Variants in CSMD2 observed in about 807,000 individuals in gnomAD.
The protein encoded by CSMD2 is CUB and Sushi multiple domains 2, also known as CUB and sushi domain-containing protein 2.
In CSMD2, 130 loss-of-function variants were observed where a neutral mutation model predicts 398.5. The ratio of observed to expected loss-of-function variants is 0.33; its 90% confidence interval spans 0.28 to 0.38. CSMD2 has a LOEUF of 0.38. CSMD2 is among the 10% of genes least tolerant of loss of function. The probability of loss-of-function intolerance (pLI) is 1.00; values close to 1 mark genes in which losing one functional copy is unlikely to be tolerated. For missense variants in CSMD2, 3,829 were observed against 4,764.9 expected (o/e 0.80, Z 5.78); for synonymous variants, 1,828 against 1,908.5 (o/e 0.96, Z 1.10).
In CSMD2 at chr1:33,923,466, G is replaced by A. The variant is rs139054541; in HGVS notation, c.713-5165C>T. ...AGCAGATGCCAATGCCATGCCTCCTGTACAGCCTGTGGAACCATGAGTCAA... is the reference window on the plus strand; with the variant it reads ...AGCAGATGCCAATGCCATGCCTCCTATACAGCCTGTGGAACCATGAGTCAA... On this transcript the variant is annotated intron_variant, in intron 4 of 70. Transcript: ENST00000373381. 1.2e-4 allele frequency among the ~76,000 whole-genome samples: 18 copies of A among 152,230 alleles called. No individual in the cohort carries two copies. The East Asian group carries it at 2.7e-3, about 23-fold the overall frequency.
At chr1:33,969,082 G>A (rs373191588) in intron 3 of CSMD2, among the ~76,000 whole-genome samples, 2 of 152,152 alleles carry the variant, frequency 1.3e-5, no homozygotes, top group Non-Finnish European at 1.5e-5. Flanking sequence ...TCATTGAAAC[G>A]GTGGGAGTCA....
chr1:33,639,653 GGCT>G (rs1436371604), intron 29 of CSMD2, among the ~76,000 whole-genome samples: 2 of 152,130 alleles, frequency 1.3e-5, no homozygotes, highest in Admixed American at 6.5e-5. Context: ...CTTAATAAAT[GGCT>G]GCTGAATTGT....
chr1:34,023,269 A>G (rs917120388), intron 3 of CSMD2, among the ~76,000 whole-genome samples: 2 of 152,208 alleles, frequency 1.3e-5, no homozygotes, highest in African/African-American at 4.8e-5. Flanking sequence ...TCCCAAGAGG[A>G]CGGTTCTGAA....
intron 1 of CSMD2, among the ~76,000 whole-genome samples, chr1:34,102,654 A>AT (rs1558390618): frequency 5.8e-4 from 34 of 59,122 alleles, no homozygotes; most frequent in East Asian, 2.3e-3. Context: ...CCTGTAATCC[A>AT]ACCATATCCC....
chr1:33,714,728 T>G lies in CSMD2; in HGVS notation c.3265A>C (p.Ile1089Leu). Reference sequence around the variant, plus strand: ...ACGCCAAACTGCAAGCCCTTCCGGATGCTGTAGGCTGGGACCTCGGGCTCC... The same window carrying G: ...ACGCCAAACTGCAAGCCCTTCCGGAGGCTGTAGGCTGGGACCTCGGGCTCC... Reference protein sequence around the residue: ...CEEPEVPAYSIRKGLQFGVGD... With the variant: ...CEEPEVPAYSLRKGLQFGVGD... The change falls in exon 21 of 71, where the codon ATC (isoleucine) becomes CTC (leucine). Residue 1089 changes from isoleucine to leucine, a missense_variant. By Grantham distance (5) the Ile-to-Leu change is conservative. Coordinates refer to ENST00000373381, the MANE Select transcript of CSMD2 (RefSeq NM_001281956.2). 1 of 1,614,080 alleles carries G rather than the reference T, an allele frequency of 6.2e-7. No individual in the cohort carries two copies. Among genetic ancestry groups the G allele is most frequent in the African/African-American group, 1.3e-5 (1 of 75,042 alleles).
chr1:33,681,660 G>T lies in CSMD2; in HGVS notation c.4052+11270C>A, dbSNP rs569269253. Among the ~76,000 whole-genome samples, 38 of 152,196 alleles carry T rather than the reference G, an allele frequency of 2.5e-4. 1 individual carries two copies. In the South Asian group the frequency reaches 7.0e-3, roughly 28 times the overall value. On this transcript the variant is annotated intron_variant, in intron 25 of 70. Transcript: ENST00000373381. ...TGCTGTAACATATTACAACAAACTTGGTGGCTTAAAACACTAGAAATTTGG... is the reference window on the plus strand; with the variant it reads ...TGCTGTAACATATTACAACAAACTTTGTGGCTTAAAACACTAGAAATTTGG...
At chr1:33,889,127 C>A (rs1267731273) in intron 5 of CSMD2, among the ~76,000 whole-genome samples, 2 of 152,026 alleles carry the variant, frequency 1.3e-5, no homozygotes, top group Non-Finnish European at 2.9e-5. Flanking sequence ...TGAGAGACAA[C>A]AAAGTAAGGC....
intron 6 of CSMD2, among the ~76,000 whole-genome samples, chr1:33,844,017 C>A (rs369720379): frequency 6.6e-6 from 1 of 152,172 alleles, no homozygotes. Context: ...TCCTTTGACT[C>A]CACCCTCACC....
intron 13 of CSMD2, among the ~76,000 whole-genome samples, chr1:33,770,261 A>C (rs1021951723): frequency 2.0e-5 from 3 of 152,246 alleles, no homozygotes; most frequent in African/African-American, 7.2e-5. Flanking sequence ...TCCAGAGAGA[A>C]GATGCTTGGC....
At position 34,009,454 on chromosome 1, in the gene CSMD2, G is replaced by C. The variant is rs1647173156; in HGVS notation, c.517+23140C>G. On this transcript the variant is annotated intron_variant, in intron 3 of 70. Coordinates refer to ENST00000373381, the MANE Select transcript of CSMD2 (RefSeq NM_001281956.2). The stretch of plus-strand genomic sequence containing the variant: ...ACACTGTGCCGCCCTGATCTTTCTG[G>C]GCCTTTACCCTGCTGACACCACTCC... Among the ~76,000 whole-genome samples, 3 of 151,662 alleles carry C rather than the reference G, an allele frequency of 2.0e-5. No individual in the cohort carries two copies. The South Asian group carries it at 6.3e-4, about 32-fold the overall frequency.
chr1:33,806,036 TA>T (rs1229433554), intron 10 of CSMD2, among the ~76,000 whole-genome samples: 2 of 152,036 alleles, frequency 1.3e-5, no homozygotes, highest in African/African-American at 4.8e-5. Flanking sequence ...TCGGTCAATA[TA>T]GCTTCACTTT....
chr1:33,691,724 C>T (rs903761962), intron 25 of CSMD2, among the ~76,000 whole-genome samples: 3 of 152,082 alleles, frequency 2.0e-5, no homozygotes, highest in Non-Finnish European at 2.9e-5. Context: ...CCTGGTGGAC[C>T]GACGCTGCTC....
intron 10 of CSMD2, among the ~76,000 whole-genome samples, chr1:33,792,804 C>T (rs1191225718): frequency 6.6e-6 from 1 of 152,208 alleles, no homozygotes; most frequent in Non-Finnish European, 1.5e-5. Flanking sequence ...ATCTGGCCAA[C>T]AGCGAGATGA....
At position 33,957,059 on chromosome 1, in the gene CSMD2, C is replaced by T. The variant is rs1261137474; in HGVS notation, c.518-21105G>A. The stretch of plus-strand genomic sequence containing the variant: ...TCTTGCATTCACCTATCACCTCCCC[C>T]GAGAGGCCTCCCCTCACCACACAAA... On this transcript the variant is annotated intron_variant, in intron 3 of 70. Coordinates refer to ENST00000373381, the MANE Select transcript of CSMD2 (RefSeq NM_001281956.2). 5.3e-5 allele frequency among the ~76,000 whole-genome samples: 8 copies of T among 151,994 alleles called. No individual in the cohort carries two copies. In the South Asian group the frequency reaches 8.3e-4, roughly 16 times the overall value.
intron 5 of CSMD2, among the ~76,000 whole-genome samples, chr1:33,857,203 G>T (rs75758342): frequency 0.03 from 4,602 of 152,062 alleles, 240 homozygotes; most frequent in African/African-American, 0.1. Context: ...TTCATTGAGT[G>T]GTTAAAAGGT....
chr1:33,545,533 G>C (rs1656795993), intron 57 of CSMD2, among the ~76,000 whole-genome samples: 1 of 152,166 alleles, frequency 6.6e-6, no homozygotes, highest in African/African-American at 2.4e-5. Context: ...GTCTTCACAT[G>C]GCACAAGGGA....
chr1:34,044,841 A>G (rs545632198), intron 2 of CSMD2, among the ~76,000 whole-genome samples: 1 of 152,342 alleles, frequency 6.6e-6, no homozygotes, highest in South Asian at 2.1e-4. Context: ...GACCTTGGGA[A>G]TAAAAGAGTA....
chr1:33,881,578 T>C (rs1373174706), intron 5 of CSMD2, among the ~76,000 whole-genome samples: 2 of 152,024 alleles, frequency 1.3e-5, no homozygotes, highest in African/African-American at 4.8e-5. Flanking sequence ...TGTGGGGAAC[T>C]GAAGATGATG....
chr1:34,108,233 T>C (rs1313981717), intron 1 of CSMD2, among the ~76,000 whole-genome samples: 1 of 151,598 alleles, frequency 6.6e-6, no homozygotes, highest in Non-Finnish European at 1.5e-5. Flanking sequence ...GAAAATTAAT[T>C]TTAAAAATGA....
Sources: allele counts gnomAD v4.1 joint callset (sites outside exome capture counted in the v4.1 genomes callset), GRCh38; gene constraint gnomAD v4.1.1; transcripts MANE v1.5; gene names NCBI Gene and HGNC (gene_info 2026-07-23, HGNC 2026-07-21).